The following PPP1R21 variants were observed in gnomAD, a reference collection of about 807,000 sequenced individuals.
PPP1R21 encodes the protein KLRAQ motif containing 1.
In PPP1R21, 85 loss-of-function variants were observed where a neutral mutation model predicts 112.8. That is an observed-to-expected ratio of 0.75 (90% CI 0.63 to 0.90). The LOEUF (loss-of-function observed/expected upper bound fraction) is 0.90, where lower values mean the gene tolerates loss of function less well. Ranked by LOEUF, PPP1R21 falls within the 40% of genes least tolerant of loss-of-function variation. The pLI, the probability that PPP1R21 is intolerant of heterozygous loss-of-function variation, is 0.00. For synonymous variants in PPP1R21, 381 were observed against 322.3 expected (o/e 1.18, Z -1.95); for missense variants, 1,199 against 901.5 (o/e 1.33, Z -4.23).
At chr2:48,514,311 C>T (rs1272962941) in intron 21 of PPP1R21, among the ~76,000 whole-genome samples, 1 of 152,058 alleles carries the variant, frequency 6.6e-6, no homozygotes, top group African/African-American at 2.4e-5. Flanking sequence ...TGGTCTCGAT[C>T]TCCTGACCTC....
At chr2:48,472,239 CAAAAAAAA>C (rs57711610) in intron 11 of PPP1R21, among the ~76,000 whole-genome samples, 2 of 43,014 alleles carry the variant, frequency 4.6e-5, no homozygotes, top group African/African-American at 9.7e-5. Flanking sequence ...GACTCCATCT[CAAAAAAAA>C]AAAAAAAAAA....
chr2:48,458,638 C>A (rs1383577109), intron 4 of PPP1R21, among the ~76,000 whole-genome samples: 1 of 95,704 alleles, frequency 1.0e-5, no homozygotes, highest in Non-Finnish European at 2.1e-5. Context: ...TTAGTTGGTT[C>A]TTATCCCTAC....
chr2:48,469,260 ATT>A (rs1668349539), intron 9 of PPP1R21, among the ~76,000 whole-genome samples: 1 of 56,192 alleles, frequency 1.8e-5, no homozygotes, highest in Admixed American at 2.3e-4. Flanking sequence ...ATATATTTGA[ATT>A]GTGTGTGTGT....
chr2:48,459,741 C>G lies in PPP1R21; in HGVS notation c.376-13C>G, dbSNP rs763140258. 6.8e-6 allele frequency: 11 copies of G among 1,606,456 alleles called. No individual in the cohort carries two copies. The South Asian group carries it at 1.2e-4, about 18-fold the overall frequency. ...GGATATTGTGAGAAGAGAAAATGGT[C>G]TTCTCTTTTTAGTTTTTTGAAGCTG... is the stretch of plus-strand genomic sequence containing the variant. On this transcript the variant is annotated splice_polypyrimidine_tract_variant and intron_variant, in intron 4 of 21. Coordinates refer to ENST00000294952, the MANE Select transcript of PPP1R21 (RefSeq NM_001135629.3).
At chr2:48,455,381 G>T (rs115127291) in intron 3 of PPP1R21, among the ~76,000 whole-genome samples, 3,295 of 151,430 alleles carry the variant, frequency 0.022, 47 homozygotes, top group South Asian at 0.061. Flanking sequence ...GACTTCAGGT[G>T]GTCTGCTCGC....
At chr2:48,492,692 A>C (rs1196764446) in intron 15 of PPP1R21, among the ~76,000 whole-genome samples, 1 of 152,218 alleles carries the variant, frequency 6.6e-6, no homozygotes, top group Non-Finnish European at 1.5e-5. Context: ...GTTGTCCTTC[A>C]AAATGGGCAC....
Position 48,498,742 on chromosome 2 carries a change from G to C in PPP1R21, c.1935+7G>C. 6.2e-7 allele frequency: 1 copy of C among 1,611,936 alleles called. No individual in the cohort carries two copies. Among genetic ancestry groups the C allele is most frequent in the Middle Eastern group, 1.7e-4 (1 of 6,044 alleles). Reference sequence around the variant, plus strand: ...CATTCAGAGCACCAGTCTAGTAAGTGTCTTCTTGGTTGTCCTCAGTTTTCT... The same window carrying C: ...CATTCAGAGCACCAGTCTAGTAAGTCTCTTCTTGGTTGTCCTCAGTTTTCT... On this transcript the variant is annotated splice_region_variant and intron_variant, in intron 17 of 21. Transcript: ENST00000294952.
chr2:48,481,118 A>T (rs1475400824), intron 13 of PPP1R21, among the ~76,000 whole-genome samples: 1 of 152,164 alleles, frequency 6.6e-6, no homozygotes, highest in African/African-American at 2.4e-5. Context: ...CCTCCCAAGT[A>T]GCTGGGATTA....
intron 9 of PPP1R21, among the ~76,000 whole-genome samples, chr2:48,468,923 A>G (rs563506858): frequency 6.6e-6 from 1 of 151,972 alleles, no homozygotes; most frequent in African/African-American, 2.4e-5. Flanking sequence ...TAAAGACTTG[A>G]AAGACGTATC....
At chr2:48,467,551 A>C (rs1668260241) in intron 9 of PPP1R21, among the ~76,000 whole-genome samples, 1 of 152,200 alleles carries the variant, frequency 6.6e-6, no homozygotes, top group Non-Finnish European at 1.5e-5. Flanking sequence ...GCCGACTTAC[A>C]TGCCTGGTGA....
At chr2:48,509,482 G>T (rs1670534533) in intron 19 of PPP1R21, among the ~76,000 whole-genome samples, 1 of 151,936 alleles carries the variant, frequency 6.6e-6, no homozygotes, top group Non-Finnish European at 1.5e-5. Context: ...GAGGTGGGCA[G>T]ATCACTTGAG....
At chr2:48,476,639 T>C (rs1231655389) in intron 12 of PPP1R21, among the ~76,000 whole-genome samples, 1 of 152,202 alleles carries the variant, frequency 6.6e-6, no homozygotes, top group Non-Finnish European at 1.5e-5. Context: ...TTTTAGCTAT[T>C]CTGGTGGGTA....
In PPP1R21 at chr2:48,471,206, T is replaced by C; in HGVS notation, c.999+18T>C. On this transcript the variant is annotated intron_variant, in intron 10 of 21. Coordinates refer to ENST00000294952, the MANE Select transcript of PPP1R21 (RefSeq NM_001135629.3). ...CTGTCTTGGTAATTTTCTTCCTTGT[T>C]TTACTTCTGGAAACTGGGAGCTCCT... is the stretch of plus-strand genomic sequence containing the variant. 6.2e-7 allele frequency: 1 copy of C among 1,607,252 alleles called. No individual in the cohort carries two copies. The highest frequency in any genetic ancestry group is 8.5e-7 in the Non-Finnish European group (1 of 1,174,076).
At chr2:48,469,165 C>G (rs867252936) in intron 9 of PPP1R21, among the ~76,000 whole-genome samples, 3 of 150,764 alleles carry the variant, frequency 2.0e-5, no homozygotes, top group East Asian at 2.0e-4. Flanking sequence ...ATTACCTCCC[C>G]CTGGACACCT....
chr2:48,507,008 C>T (rs1190815055), intron 18 of PPP1R21, among the ~76,000 whole-genome samples: 2 of 151,164 alleles, frequency 1.3e-5, no homozygotes, highest in African/African-American at 2.4e-5. Flanking sequence ...GGGCAGGGTT[C>T]CAGTGGGCTT....
intron 7 of PPP1R21, among the ~76,000 whole-genome samples, chr2:48,461,968 T>A (rs1667998158): frequency 6.6e-6 from 1 of 152,214 alleles, no homozygotes; most frequent in South Asian, 2.1e-4. Flanking sequence ...GATTTAAGAT[T>A]AAAATCAGCC....
intron 15 of PPP1R21, among the ~76,000 whole-genome samples, chr2:48,495,170 C>G (rs1161555471): frequency 1.3e-5 from 2 of 152,140 alleles, no homozygotes; most frequent in Non-Finnish European, 2.9e-5. Context: ...AAGTCAGTGA[C>G]CATTTATAAT....
chr2:48,498,610 C>T lies in PPP1R21; in HGVS notation c.1810C>T (p.Leu604=). Residue 604 remains leucine (L), a synonymous_variant, in exon 17 of 22, where the codon CTG becomes TTG. Coordinates refer to ENST00000294952, the MANE Select transcript of PPP1R21 (RefSeq NM_001135629.3). ...AGAAAACCAGCGAATTGCAGATAAG[C>T]TGAAGAATACAGGTAGTGCCCAGCT... ...EKENQRIADK[L]KNTGSAQLVG... is the part of the protein sequence containing the mutation. 6.2e-7 allele frequency: 1 copy of T among 1,614,208 alleles called. No homozygotes were observed.
chr2:48,472,336 A>C (rs1668554915), intron 11 of PPP1R21, among the ~76,000 whole-genome samples: 1 of 151,800 alleles, frequency 6.6e-6, no homozygotes, highest in Admixed American at 6.6e-5. Flanking sequence ...TTAGAAAATA[A>C]GTAGGTTGGC....
Sources: allele counts gnomAD v4.1 joint callset (sites outside exome capture counted in the v4.1 genomes callset), GRCh38; gene constraint gnomAD v4.1.1; transcripts MANE v1.5; gene names NCBI Gene and HGNC (gene_info 2026-07-23, HGNC 2026-07-21).